TANC1: variants seen among roughly 807,000 people sequenced by gnomAD.
TANC1 encodes tetratricopeptide repeat, ankyrin repeat and coiled-coil containing 1.
Under a neutral mutation model 149.7 loss-of-function variants are expected in TANC1, and 77 were observed. The ratio of observed to expected loss-of-function variants is 0.51; its 90% CI spans 0.43 to 0.62. The LOEUF (loss-of-function observed/expected upper bound fraction) is 0.62, where lower values mean the gene tolerates loss of function less well. Among genes scored for constraint, TANC1 ranks in the 20% least tolerant of loss-of-function variants. TANC1 has a pLI of 0.00. For missense variants in TANC1, 1,985 were observed against 2,321.8 expected (o/e 0.85, Z 2.98); for synonymous variants, 854 against 925.0 (o/e 0.92, Z 1.39).
rs751760486 is a variant in TANC1, at chr2:159,230,564, C to T, written c.5138C>T (p.Thr1713Ile). 29 of 1,614,076 alleles carry T rather than the reference C, an allele frequency of 1.8e-5. No individual in the cohort carries two copies. The highest frequency in any genetic ancestry group is 3.3e-5 in the South Asian group (3 of 91,088). The change falls in exon 27 of 27, where the codon ACA becomes ATA. Residue 1713 changes from threonine (T) to isoleucine (I), a missense_variant. Thr to Ile is a moderately conservative substitution (Grantham distance 89). Around this residue, in one of 3 missense-constraint regions of TANC1, gnomAD observed 920 missense variants for 994.7 expected, o/e 0.92. Coordinates refer to ENST00000263635, the MANE Select transcript of TANC1 (RefSeq NM_033394.3). The surrounding 1 kb of genome is among the most constrained non-coding windows in gnomAD (Gnocchi z 4.4). ...DKVVTHVQSG[T>I]AEHRPRNTPF... ...GTTGTAACCCACGTTCAGAGCGGTA[C>T]AGCTGAGCACAGACCCCGCAACACG...
chr2:159,075,679 T>A (rs1319755755), intron 3 of TANC1, among the ~76,000 whole-genome samples: 1 of 152,222 alleles, frequency 6.6e-6, no homozygotes, highest in Non-Finnish European at 1.5e-5. Flanking sequence ...CAATGTCATT[T>A]TTTTGTATAA....
intron 24 of TANC1, chr2:159,226,027 C>G (rs555593313): frequency 1.4e-5 from 7 of 482,892 alleles, no homozygotes; most frequent in South Asian, 1.4e-4. Flanking sequence ...ACTAAAAATA[C>G]AAAAATCAGC....
intron 9 of TANC1, 73 bp from the exon 10 acceptor site, chr2:159,170,447 CACAA>C: frequency 1.5e-6 from 2 of 1,351,182 alleles, no homozygotes; most frequent in Non-Finnish European, 2.0e-6. Flanking sequence ...TAGTGTAACA[CACAA>C]GCAATAATAT....
At position 159,150,365 on chromosome 2, in the gene TANC1, T is replaced by A. The variant is rs760746946; in HGVS notation, c.496-5T>A. The A allele has an allele frequency of 6.2e-7, 1 of 1,613,470 alleles. No homozygotes were observed. Among genetic ancestry groups the A allele is most frequent in the Non-Finnish European group, 8.5e-7 (1 of 1,179,660 alleles). On this transcript the variant is annotated splice_polypyrimidine_tract_variant and splice_region_variant and intron_variant, in intron 6 of 26. Transcript: ENST00000263635. ...TGCTAACTCCTCCTTCCATTCATCT[T>A]GCAGTGCACAGCTCTGAGTCAAGGC...
At chr2:158,990,169 C>T (rs2035471804) in intron 1 of TANC1, among the ~76,000 whole-genome samples, 1 of 152,188 alleles carries the variant, frequency 6.6e-6, no homozygotes, top group African/African-American at 2.4e-5. Context: ...CCCGCCTGAC[C>T]TCGTGATCTG....
chr2:159,056,896 G>A (rs2041895815), intron 2 of TANC1: 1 of 258,666 alleles, frequency 3.9e-6, no homozygotes, highest in African/African-American at 2.2e-5. Context: ...TCTCCTCATA[G>A]GACATATCCG....
intron 7 of TANC1, among the ~76,000 whole-genome samples, chr2:159,160,400 A>G (rs890245792): frequency 6.6e-6 from 1 of 152,066 alleles, no homozygotes; most frequent in Non-Finnish European, 1.5e-5. Context: ...ACCCACAAGC[A>G]TTTTTGAGAG....
At position 159,160,873 on chromosome 2, in the gene TANC1, T is replaced by C. The variant is rs2053981645; in HGVS notation, c.683-2410T>C. Among the ~76,000 whole-genome samples, 3 of 152,202 alleles carry C rather than the reference T, an allele frequency of 2.0e-5. No homozygotes were observed. In the East Asian group the frequency reaches 5.8e-4, roughly 29 times the overall value. On this transcript the variant is annotated intron_variant, in intron 7 of 26. Coordinates refer to ENST00000263635, the MANE Select transcript of TANC1 (RefSeq NM_033394.3). ...TGTTCATTTCTAAATGGTTACCCCA[T>C]CTGGGACTTCTCTTCGCAGTGACTG...
intron 22 of TANC1, among the ~76,000 whole-genome samples, chr2:159,220,150 G>A (rs1301520022): frequency 2.0e-5 from 3 of 152,166 alleles, no homozygotes; most frequent in South Asian, 2.1e-4. Flanking sequence ...AGACACATAC[G>A]TGAATATGCA....
At chr2:159,189,998 A>G (rs2057318102) in intron 16 of TANC1, among the ~76,000 whole-genome samples, 1 of 152,216 alleles carries the variant, frequency 6.6e-6, no homozygotes. Context: ...GTGTGAATTG[A>G]TGACATCTTT....
chr2:159,189,016 T>G (rs917888604), intron 16 of TANC1, among the ~76,000 whole-genome samples: 13 of 152,242 alleles, frequency 8.5e-5, no homozygotes, highest in Admixed American at 4.6e-4. Flanking sequence ...TCATTAGCTT[T>G]GTGCTTAGCG....
chr2:159,215,669 C>T (rs972477297), intron 19 of TANC1, among the ~76,000 whole-genome samples: 3 of 152,192 alleles, frequency 2.0e-5, no homozygotes, highest in Non-Finnish European at 2.9e-5. Flanking sequence ...AACCAGGTCC[C>T]GCCCTTGCTA....
chr2:159,187,093 C>T (rs927789781), intron 16 of TANC1, 69 bp downstream of exon 16: 2 of 1,576,376 alleles, frequency 1.3e-6, no homozygotes, highest in Non-Finnish European at 1.7e-6. Flanking sequence ...CCTCCAACAG[C>T]CCTGTTTCCC....
At chr2:159,135,243 A>G (rs1559323870) in intron 4 of TANC1, among the ~76,000 whole-genome samples, 1 of 152,256 alleles carries the variant, frequency 6.6e-6, no homozygotes, top group Admixed American at 6.5e-5. Flanking sequence ...AATGTTTTCA[A>G]GCTTCATCCA....
chr2:159,128,803 G>A (rs1005659353), intron 4 of TANC1, among the ~76,000 whole-genome samples: 14 of 152,110 alleles, frequency 9.2e-5, no homozygotes, highest in Non-Finnish European at 1.5e-4. Flanking sequence ...AGGGGAAGAG[G>A]GGTCAAACTT....
chr2:159,090,369 C>T (rs1219144542), intron 3 of TANC1, among the ~76,000 whole-genome samples: 1 of 152,220 alleles, frequency 6.6e-6, no homozygotes, highest in Admixed American at 6.5e-5. Context: ...GTGGCATAAG[C>T]ATTCCAGATC....
At chr2:159,208,123 A>G (rs2058749968) in intron 19 of TANC1, among the ~76,000 whole-genome samples, 2 of 152,220 alleles carry the variant, frequency 1.3e-5, no homozygotes, top group Non-Finnish European at 2.9e-5. Context: ...GGTTCTTAAC[A>G]AGATTAAATG....
intron 5 of TANC1, among the ~76,000 whole-genome samples, chr2:159,142,999 G>A (rs2051557300): frequency 6.7e-6 from 1 of 149,520 alleles, no homozygotes; most frequent in Non-Finnish European, 1.5e-5. Context: ...GGAGTTGGTG[G>A]TTGCTGTGAG....
chr2:159,154,985 G>C (rs2053266555), intron 7 of TANC1, among the ~76,000 whole-genome samples: 2 of 152,082 alleles, frequency 1.3e-5, no homozygotes, highest in African/African-American at 2.4e-5. Flanking sequence ...AATATGTCTT[G>C]CTTCCAACTG....
Sources: gnomAD v4.1 joint callset for allele counts (sites outside exome capture counted in the v4.1 genomes callset) on GRCh38, gnomAD v4.1.1 for gene constraint, gnomAD v4.1.1 regional missense constraint, Gnocchi (gnomAD v3.1) non-coding constraint, MANE v1.5 for transcripts, NCBI Gene and HGNC (gene_info 2026-07-23, HGNC 2026-07-21) for gene names.